OSBPL1A: variants seen among roughly 807,000 people sequenced by gnomAD.
The protein encoded by OSBPL1A is oxysterol-binding protein-related protein 1.
In OSBPL1A, 80 loss-of-function variants were observed where a neutral mutation model predicts 137.1. That is an observed-to-expected ratio of 0.58 (90% CI 0.49 to 0.70). OSBPL1A has a LOEUF of 0.70. Ranked by LOEUF, OSBPL1A falls within the 30% of genes least tolerant of loss-of-function variation. OSBPL1A has a pLI of 0.00. For missense variants in OSBPL1A, 970 were observed against 1,129.4 expected, an observed-to-expected ratio of 0.86 and a Z score of 2.02; for synonymous variants, 365 against 389.7, an observed-to-expected ratio of 0.94 and a Z score of 0.75.
At chr18:24,373,436 G>A (rs748010754) in intron 2 of OSBPL1A, among the ~76,000 whole-genome samples, 1 of 152,068 alleles carries the variant, frequency 6.6e-6, no homozygotes, top group Non-Finnish European at 1.5e-5. Context: ...ATGCATATAC[G>A]TATTAATATT....
chr18:24,382,987 A>G (rs1906710823), intron 1 of OSBPL1A, among the ~76,000 whole-genome samples: 1 of 152,238 alleles, frequency 6.6e-6, no homozygotes, highest in Admixed American at 6.5e-5. Context: ...AGCTCTATAT[A>G]TATTTGCTAA....
At chr18:24,331,878 C>T (rs2091085605) in intron 7 of OSBPL1A, among the ~76,000 whole-genome samples, 1 of 152,136 alleles carries the variant, frequency 6.6e-6, no homozygotes, top group African/African-American at 2.4e-5. Flanking sequence ...TGTAGTTTCT[C>T]AGTCATTCAC....
intron 26 of OSBPL1A, among the ~76,000 whole-genome samples, chr18:24,165,575 T>C (rs1279853667): frequency 1.3e-5 from 2 of 152,244 alleles, no homozygotes; most frequent in African/African-American, 4.8e-5. Context: ...TGTTGCTGTG[T>C]CTCACTTTTT....
chr18:24,349,411 T>C (rs1271763137), intron 4 of OSBPL1A, among the ~76,000 whole-genome samples: 1 of 152,192 alleles, frequency 6.6e-6, no homozygotes, highest in Non-Finnish European at 1.5e-5. Flanking sequence ...CAAGATTGGA[T>C]GCTATTAAAA....
chr18:24,281,476 C>G (rs984298777), intron 14 of OSBPL1A, among the ~76,000 whole-genome samples: 1 of 151,594 alleles, frequency 6.6e-6, no homozygotes, highest in Non-Finnish European at 1.5e-5. Flanking sequence ...TAACCTTCAC[C>G]TCCCGGGTTC....
intron 4 of OSBPL1A, among the ~76,000 whole-genome samples, chr18:24,355,670 GAAGAGAGTCACCCCATT>G (rs1176639714): frequency 6.6e-6 from 1 of 152,056 alleles, no homozygotes; most frequent in Non-Finnish European, 1.5e-5. Flanking sequence ...GTAAGAGGCA[GAAGAGAGTCACCCCATT>G]AAAAGTCATG....
At chr18:24,352,061 A>C (rs1423729387) in intron 4 of OSBPL1A, among the ~76,000 whole-genome samples, 1 of 152,180 alleles carries the variant, frequency 6.6e-6, no homozygotes, top group Non-Finnish European at 1.5e-5. Context: ...TAATCCTAGC[A>C]CTTTGGGAGG....
intron 5 of OSBPL1A, 121 bp from the exon 6 acceptor site, chr18:24,334,451 G>A: frequency 3.4e-6 from 2 of 596,938 alleles, no homozygotes; most frequent in Non-Finnish European, 5.4e-6. Flanking sequence ...TTCAAATGCA[G>A]TTAAAATTTA....
intron 15 of OSBPL1A, among the ~76,000 whole-genome samples, chr18:24,247,787 G>A (rs2088948381): frequency 1.3e-5 from 2 of 151,968 alleles, no homozygotes; most frequent in Non-Finnish European, 1.5e-5. Flanking sequence ...GAGGACGCTG[G>A]TTACAGAGGT....
intron 18 of OSBPL1A, among the ~76,000 whole-genome samples, chr18:24,190,874 TGTCTGGGCATGAG>T (rs2145937258): frequency 6.6e-6 from 1 of 152,374 alleles, no homozygotes; most frequent in African/African-American, 2.4e-5. Context: ...CCCAGTGATA[TGTCTGGGCATGAG>T]GTCTGGCCCT....
intron 17 of OSBPL1A, among the ~76,000 whole-genome samples, chr18:24,197,265 T>A (rs368578889): frequency 3.3e-5 from 5 of 152,262 alleles, no homozygotes; most frequent in Admixed American, 6.5e-5. Flanking sequence ...GAGAATCACT[T>A]GAACACGTGA....
chr18:24,229,474 C>T (rs2088199203), intron 16 of OSBPL1A, among the ~76,000 whole-genome samples: 1 of 152,214 alleles, frequency 6.6e-6, no homozygotes. Context: ...TTTGGGCTTA[C>T]TCTGTCAGTA....
At position 24,238,911 on chromosome 18, in the gene OSBPL1A, C is replaced by A. The variant is rs1177878648; in HGVS notation, c.1444+309G>T. 5.9e-5 allele frequency among the ~76,000 whole-genome samples: 9 copies of A among 152,286 alleles called. No individual in the cohort carries two copies. In the South Asian group the frequency reaches 1.7e-3, roughly 28 times the overall value. ...TTACAATATGTGCTAATGCCTGGCA[C>A]TAGGAAATGGTCACCCAGTAAAGGA... On this transcript the variant is annotated intron_variant, in intron 16 of 27. Coordinates refer to ENST00000319481, the MANE Select transcript of OSBPL1A (RefSeq NM_080597.4).
chr18:24,202,819 C>T (rs1005993885), intron 17 of OSBPL1A, among the ~76,000 whole-genome samples: 1 of 152,206 alleles, frequency 6.6e-6, no homozygotes, highest in African/African-American at 2.4e-5. Context: ...ATTCACAACG[C>T]TTGGTAATCT....
At chr18:24,314,427 A>C in intron 11 of OSBPL1A, 80 bp from the exon 12 acceptor site, 1 of 953,508 alleles carries the variant, frequency 1.0e-6, no homozygotes, top group Non-Finnish European at 1.6e-6. Flanking sequence ...TAAAATTTAA[A>C]GTAGTGACAT....
intron 18 of OSBPL1A, among the ~76,000 whole-genome samples, chr18:24,187,167 T>C (rs1017977139): frequency 6.6e-6 from 1 of 152,066 alleles, no homozygotes; most frequent in Admixed American, 6.6e-5. Context: ...TTGGGTAAGG[T>C]TGCTACAGAT....
At chr18:24,241,398 C>T (rs1168617920) in intron 15 of OSBPL1A, among the ~76,000 whole-genome samples, 1 of 152,064 alleles carries the variant, frequency 6.6e-6, no homozygotes, top group Non-Finnish European at 1.5e-5. Context: ...GGCTAATATC[C>T]AGAATCTACA....
At chr18:24,370,149 A>T (rs538021981) in intron 2 of OSBPL1A, among the ~76,000 whole-genome samples, 2 of 152,346 alleles carry the variant, frequency 1.3e-5, no homozygotes, top group East Asian at 3.9e-4. Flanking sequence ...AGAGCCCAAG[A>T]GGTCAAGGCT....
intron 13 of OSBPL1A, among the ~76,000 whole-genome samples, chr18:24,305,539 T>G (rs1402193919): frequency 2.0e-5 from 3 of 152,244 alleles, no homozygotes; most frequent in African/African-American, 7.2e-5. Context: ...ATTTGCTTAG[T>G]CGCTACTAGT....
Sources: gnomAD v4.1 joint callset for allele counts (sites outside exome capture counted in the v4.1 genomes callset) on GRCh38, gnomAD v4.1.1 for gene constraint, MANE v1.5 for transcripts, NCBI Gene and HGNC (gene_info 2026-07-23, HGNC 2026-07-21) for gene names.